NEDD4L: variants seen among roughly 807,000 people sequenced by gnomAD.
NEDD4L encodes the protein NEDD4 like E3 ubiquitin protein ligase.
In NEDD4L, 54 loss-of-function variants were observed where a neutral mutation model predicts 148.9. The ratio of observed to expected loss-of-function variants is 0.36; its 90% CI spans 0.29 to 0.45. NEDD4L has a LOEUF of 0.45. Among genes scored for constraint, NEDD4L ranks in the 20% least tolerant of loss-of-function variants. The pLI, the probability that NEDD4L is intolerant of heterozygous loss-of-function variation, is 1.00. For synonymous variants in NEDD4L, 433 were observed against 440.7 expected (o/e 0.98, Z 0.22); for missense variants, 856 against 1,233.8 (o/e 0.69, Z 4.59).
At chr18:58,265,346 A>G (rs942903349) in intron 5 of NEDD4L, among the ~76,000 whole-genome samples, 1 of 151,988 alleles carries the variant, frequency 6.6e-6, no homozygotes, top group Non-Finnish European at 1.5e-5. Context: ...TTTCCATCAA[A>G]TGTGGAGTTG....
intron 2 of NEDD4L, among the ~76,000 whole-genome samples, chr18:58,172,030 G>C (rs1046523464): frequency 6.6e-6 from 1 of 152,230 alleles, no homozygotes; most frequent in African/African-American, 2.4e-5. Context: ...CTTCTACTTG[G>C]GGGTACATGA....
chr18:58,380,296 TTTTATTTATTTATTTA>T (rs550029276), intron 24 of NEDD4L, among the ~76,000 whole-genome samples: 12 of 141,814 alleles, frequency 8.5e-5, no homozygotes, highest in East Asian at 4.2e-4. Context: ...TTCTTTTTTA[TTTTATTTATTTATTTA>T]TTTATTTATT....
Position 58,208,823 on chromosome 18 carries a change from C to A in NEDD4L, c.123-36604C>A, listed in dbSNP as rs888606404. 5.3e-5 allele frequency among the ~76,000 whole-genome samples: 8 copies of A among 152,264 alleles called. No homozygotes were observed. The East Asian group carries it at 1.5e-3, about 29-fold the overall frequency. Reference sequence around the variant, plus strand: ...ATCAAGCTGTGCTGAAAATACTCCTCAGATATATTAGGCCACATTTATGCA... The same window carrying A: ...ATCAAGCTGTGCTGAAAATACTCCTAAGATATATTAGGCCACATTTATGCA... On this transcript the variant is annotated intron_variant, in intron 2 of 30. Coordinates refer to ENST00000400345, the MANE Select transcript of NEDD4L (RefSeq NM_001144967.3).
chr18:58,146,421 G>A (rs550148928), intron 1 of NEDD4L, among the ~76,000 whole-genome samples: 6 of 152,256 alleles, frequency 3.9e-5, no homozygotes, highest in Admixed American at 2.6e-4. Flanking sequence ...GATTTGGGCC[G>A]GGGAGGAAGA....
intron 4 of NEDD4L, among the ~76,000 whole-genome samples, chr18:58,249,610 A>T (rs1368103374): frequency 6.6e-6 from 1 of 152,206 alleles, no homozygotes; most frequent in Non-Finnish European, 1.5e-5. Flanking sequence ...GAAAGAAAGG[A>T]CTTTCTCTTC....
chr18:58,105,793 T>C (rs1407514143), intron 1 of NEDD4L, among the ~76,000 whole-genome samples: 1 of 152,212 alleles, frequency 6.6e-6, no homozygotes, highest in Non-Finnish European at 1.5e-5. Context: ...TCAATGTTGC[T>C]TGCATTTTTC....
chr18:58,226,464 A>G (rs1020215511), intron 2 of NEDD4L, among the ~76,000 whole-genome samples: 2 of 152,202 alleles, frequency 1.3e-5, no homozygotes, highest in African/African-American at 4.8e-5. Flanking sequence ...AGGCCTGGCA[A>G]ATGATGTTTT....
intron 1 of NEDD4L, among the ~76,000 whole-genome samples, chr18:58,153,037 G>C (rs536555317): frequency 6.6e-6 from 1 of 152,274 alleles, no homozygotes; most frequent in African/African-American, 2.4e-5. Flanking sequence ...CTAAATGAGT[G>C]GTTCTAGGTT....
At chr18:58,136,158 T>G (rs2032824095) in intron 1 of NEDD4L, among the ~76,000 whole-genome samples, 1 of 152,156 alleles carries the variant, frequency 6.6e-6, no homozygotes, top group Non-Finnish European at 1.5e-5. Flanking sequence ...TTATTGTGGA[T>G]GTTAATAACA....
chr18:58,095,531 C>A (rs1442081650), intron 1 of NEDD4L, among the ~76,000 whole-genome samples: 1 of 152,002 alleles, frequency 6.6e-6, no homozygotes, highest in African/African-American at 2.4e-5. Context: ...CCTTGCAGGG[C>A]TCAGTCGGGG....
chr18:58,270,067 G>A (rs1432268574), intron 5 of NEDD4L, among the ~76,000 whole-genome samples: 1 of 152,170 alleles, frequency 6.6e-6, no homozygotes, highest in Non-Finnish European at 1.5e-5. Context: ...TGGCAAGACC[G>A]GTCTATCCTG....
intron 1 of NEDD4L, among the ~76,000 whole-genome samples, chr18:58,086,732 T>A (rs1399110706): frequency 6.6e-6 from 1 of 152,220 alleles, no homozygotes; most frequent in African/African-American, 2.4e-5. Flanking sequence ...TTGAAATGAT[T>A]ATGTTTTGGG....
At chr18:58,217,154 C>T (rs1415698754) in intron 2 of NEDD4L, among the ~76,000 whole-genome samples, 1 of 152,202 alleles carries the variant, frequency 6.6e-6, no homozygotes, top group Non-Finnish European at 1.5e-5. Context: ...ATGTAAACCA[C>T]ACATTTGTAA....
chr18:58,248,094 T>G (rs75340090), intron 3 of NEDD4L, among the ~76,000 whole-genome samples: 4 of 151,942 alleles, frequency 2.6e-5, no homozygotes, highest in Non-Finnish European at 5.9e-5. Context: ...GAAGTGATGG[T>G]TTTTTTTTAC....
intron 1 of NEDD4L, among the ~76,000 whole-genome samples, chr18:58,102,065 A>T (rs1203450785): frequency 6.6e-6 from 1 of 152,128 alleles, no homozygotes; most frequent in African/African-American, 2.4e-5. Context: ...GCCTAATTTT[A>T]TCTTTTTTTT....
At chr18:58,265,238 C>T (rs1370308932) in intron 5 of NEDD4L, among the ~76,000 whole-genome samples, 2 of 152,024 alleles carry the variant, frequency 1.3e-5, no homozygotes, top group African/African-American at 4.8e-5. Context: ...CTCCAAATTG[C>T]CTTGTTCATT....
At chr18:58,331,038 T>G in intron 11 of NEDD4L, 124 bp downstream of exon 11, 1 of 885,606 alleles carries the variant, frequency 1.1e-6, no homozygotes, top group South Asian at 1.8e-5. Context: ...CTCTGACATT[T>G]TCCAAAGTTC....
rs532277740 is a variant in NEDD4L at position 58,311,801 on chromosome 18, C to T, written c.298-4181C>T. 3.9e-5 allele frequency among the ~76,000 whole-genome samples: 6 copies of T among 152,322 alleles called. No individual in the cohort carries two copies. In the South Asian group the frequency reaches 6.2e-4, roughly 16 times the overall value. ...TGAGGACATCTAAGCCTGGCGTCCA[C>T]GTCAGTGCTGACAGATTTGACCTAG... On this transcript the variant is annotated intron_variant, in intron 5 of 30. Transcript: ENST00000400345.
intron 2 of NEDD4L, among the ~76,000 whole-genome samples, chr18:58,224,287 C>G (rs1316690669): frequency 6.6e-6 from 1 of 152,184 alleles, no homozygotes; most frequent in Non-Finnish European, 1.5e-5. Context: ...GTCATAGATT[C>G]TTGGGCAGAA....
Sources: gnomAD v4.1 joint callset for allele counts (sites outside exome capture counted in the v4.1 genomes callset) on GRCh38, gnomAD v4.1.1 for gene constraint, MANE v1.5 for transcripts, NCBI Gene and HGNC (gene_info 2026-07-23, HGNC 2026-07-21) for gene names.